Variants in MAGI1 observed in about 807,000 individuals in gnomAD.
MAGI1 encodes membrane-associated guanylate kinase, WW and PDZ domain-containing protein 1.
MAGI1 carries 58 observed loss-of-function variants against 139.9 expected under a neutral mutation model. That is an observed-to-expected ratio of 0.41 (90% CI 0.34 to 0.52). The LOEUF is 0.52. Ranked by LOEUF, MAGI1 falls within the 20% of genes least tolerant of loss-of-function variation. MAGI1 has a pLI of 0.12. For missense variants in MAGI1, 1,874 were observed against 1,901.6 expected (o/e 0.99, Z 0.27); for synonymous variants, 812 against 737.9 (o/e 1.10, Z -1.63).
chr3:65,448,320 T>A lies in MAGI1; in HGVS notation c.1043-263A>T, dbSNP rs1575783020. 5.3e-6 allele frequency: 3 copies of A among 568,478 alleles called. No individual in the cohort carries two copies. In the East Asian group the frequency reaches 8.8e-5, roughly 17 times the overall value. The allele number at this position is 568,478 out of a possible 1,614,324, so 35.2% of individuals were successfully genotyped here. On this transcript the variant is annotated intron_variant, in intron 6 of 22. Transcript: ENST00000402939. ...TGTCAAAATAGGATTTGATTGGTTG[T>A]AAAAGATGACAAATACCTTTGCGGT...
At chr3:65,446,880 A>G (rs1181583602) in intron 7 of MAGI1, among the ~76,000 whole-genome samples, 1 of 152,236 alleles carries the variant, frequency 6.6e-6, no homozygotes, top group Non-Finnish European at 1.5e-5. Flanking sequence ...TGGCATGTGC[A>G]TCAATTACAA....
At chr3:65,583,803 C>T (rs1011000528) in intron 2 of MAGI1, among the ~76,000 whole-genome samples, 1 of 152,078 alleles carries the variant, frequency 6.6e-6, no homozygotes, top group African/African-American at 2.4e-5. Flanking sequence ...AGAACACATT[C>T]AGGTTAGGTG....
intron 1 of MAGI1, among the ~76,000 whole-genome samples, chr3:65,867,501 G>A (rs759887924): frequency 1.2e-4 from 18 of 152,146 alleles, no homozygotes; most frequent in Non-Finnish European, 2.4e-4. Flanking sequence ...GTGGGCGGCC[G>A]AAGTGAAAAG....
chr3:65,381,853 T>C (rs1943081016), intron 16 of MAGI1, 24 bp downstream of exon 16: 1 of 1,588,712 alleles, frequency 6.3e-7, no homozygotes. Context: ...ACGCACTGTC[T>C]GAAGGAATGA....
At chr3:65,438,012 C>T (rs1165666309) in intron 9 of MAGI1, among the ~76,000 whole-genome samples, 1 of 152,116 alleles carries the variant, frequency 6.6e-6, no homozygotes, top group Non-Finnish European at 1.5e-5. Context: ...CCATACAATC[C>T]AGCAGTCCCA....
At chr3:65,965,668 T>C (rs563588969) in intron 1 of MAGI1, among the ~76,000 whole-genome samples, 1 of 152,196 alleles carries the variant, frequency 6.6e-6, no homozygotes, top group African/African-American at 2.4e-5. Flanking sequence ...CCTTTTTTTT[T>C]TTCTTTTTGG....
rs758467633 is a variant in MAGI1, at chr3:65,470,286, A to G, written c.956T>C (p.Ile319Thr). The G allele has an allele frequency of 4.4e-6, 7 of 1,592,338 alleles. No individual in the cohort carries two copies. The highest frequency in any genetic ancestry group is 4.5e-5 in the East Asian group (2 of 44,768). Residue 319 changes from isoleucine to threonine, a missense_variant, in exon 5 of 23, where the codon ATA becomes ACA. By Grantham distance (89) the Ile-to-Thr change is moderately conservative (BLOSUM62 -1). Around this residue, in one of 5 missense-constraint regions of MAGI1, gnomAD observed 648 missense variants for 598.1 expected, o/e 1.08. Coordinates refer to ENST00000402939, the MANE Select transcript of MAGI1 (RefSeq NM_001033057.2). ...TAGAAATAATGGTATACTTTACTCT[A>G]TAAAATAGACTTCTCCATTTTCAGT... ...AYTENGEVYF[I>T]DHNTKTTSWL... is the part of the protein sequence containing the mutation.
chr3:65,645,175 G>C (rs892446725), intron 1 of MAGI1, among the ~76,000 whole-genome samples: 4 of 151,860 alleles, frequency 2.6e-5, no homozygotes, highest in Non-Finnish European at 5.9e-5. Flanking sequence ...ATTTCTTAAA[G>C]TTAGCAAAAT....
intron 1 of MAGI1, among the ~76,000 whole-genome samples, chr3:65,676,930 A>G (rs2087231504): frequency 6.6e-6 from 1 of 152,238 alleles, no homozygotes; most frequent in South Asian, 2.1e-4. Flanking sequence ...CCAATGAGCT[A>G]TTCAAAGGGA....
chr3:65,519,803 T>G (rs997563920), intron 2 of MAGI1, among the ~76,000 whole-genome samples: 1 of 152,212 alleles, frequency 6.6e-6, no homozygotes, highest in Non-Finnish European at 1.5e-5. Context: ...AGTTACAGAT[T>G]GTGATAGGTT....
chr3:65,713,251 T>C (rs2031738340), intron 1 of MAGI1, among the ~76,000 whole-genome samples: 1 of 152,084 alleles, frequency 6.6e-6, no homozygotes, highest in African/African-American at 2.4e-5. Context: ...ATACCAGCCT[T>C]AGCAAAGCTG....
chr3:65,910,323 C>T (rs2061604487), intron 1 of MAGI1, among the ~76,000 whole-genome samples: 1 of 152,010 alleles, frequency 6.6e-6, no homozygotes, highest in Non-Finnish European at 1.5e-5. Context: ...CTTTTATCCC[C>T]CCATGAAAAA....
At chr3:65,604,732 TA>T (rs550716750) in intron 2 of MAGI1, among the ~76,000 whole-genome samples, 240 of 142,744 alleles carry the variant, frequency 1.7e-3, no homozygotes, top group Middle Eastern at 3.5e-3. Flanking sequence ...ACTGCTTATT[TA>T]AAAAAAAAAA....
At chr3:65,670,638 C>A (rs2086795530) in intron 1 of MAGI1, among the ~76,000 whole-genome samples, 1 of 152,118 alleles carries the variant, frequency 6.6e-6, no homozygotes, top group Admixed American at 6.6e-5. Context: ...AGCTAATGAA[C>A]CACATAGTTG....
At chr3:65,753,511 CAG>C (rs2036320529) in intron 1 of MAGI1, among the ~76,000 whole-genome samples, 1 of 151,966 alleles carries the variant, frequency 6.6e-6, no homozygotes, top group African/African-American at 2.4e-5. Flanking sequence ...ACCTGAGGTT[CAG>C]GAGTTCGAGA....
intron 1 of MAGI1, among the ~76,000 whole-genome samples, chr3:65,822,404 T>C (rs2041997454): frequency 6.6e-6 from 1 of 152,096 alleles, no homozygotes; most frequent in African/African-American, 2.4e-5. Flanking sequence ...GGTGCATGCC[T>C]GTAATCCCAG....
chr3:65,456,391 T>C (rs966534410), intron 5 of MAGI1, among the ~76,000 whole-genome samples: 1 of 152,086 alleles, frequency 6.6e-6, no homozygotes, highest in African/African-American at 2.4e-5. Flanking sequence ...TTTTTTTTTT[T>C]CACTCCGGAG....
At chr3:65,652,984 G>A (rs1391329648) in intron 1 of MAGI1, among the ~76,000 whole-genome samples, 1 of 152,142 alleles carries the variant, frequency 6.6e-6, no homozygotes. Flanking sequence ...TGGAGTCCAG[G>A]ACATGTGAGT....
At chr3:65,463,620 T>C (rs1174394804) in intron 5 of MAGI1, among the ~76,000 whole-genome samples, 1 of 147,278 alleles carries the variant, frequency 6.8e-6, no homozygotes, top group Non-Finnish European at 1.5e-5. Context: ...GGTTTTGGTA[T>C]CAGGATGATG....
Sources: allele counts gnomAD v4.1 joint callset (sites outside exome capture counted in the v4.1 genomes callset), GRCh38; gene constraint gnomAD v4.1.1; regional missense constraint gnomAD v4.1.1; transcripts MANE v1.5; gene names NCBI Gene and HGNC (gene_info 2026-07-23, HGNC 2026-07-21).